The following COA8 variants were observed in gnomAD, a reference collection of about 807,000 sequenced individuals.
The protein encoded by COA8 is UPF0671 protein C14orf153.
In COA8, 20 loss-of-function variants were observed where a neutral mutation model predicts 22.0. The observed-to-expected ratio is 0.91, with a 90% CI of 0.64 to 1.32. COA8 has a LOEUF of 1.32. Among genes scored for constraint, COA8 ranks in the 40% most tolerant of loss-of-function variants. COA8 has a pLI of 0.00. For synonymous variants in COA8, 105 were observed against 79.9 expected, an observed-to-expected ratio of 1.31 and a Z score of -1.68; for missense variants, 266 against 230.0, an observed-to-expected ratio of 1.16 and a Z score of -1.01.
intron 3 of COA8, among the ~76,000 whole-genome samples, chr14:103,576,613 C>A (rs2076232394): frequency 6.6e-6 from 1 of 152,178 alleles, no homozygotes; most frequent in South Asian, 2.1e-4. Context: ...AGGACCAGAG[C>A]AATTTCTTCC....
intron 3 of COA8, among the ~76,000 whole-genome samples, chr14:103,585,327 A>C (rs1187534399): frequency 6.7e-6 from 1 of 150,120 alleles, no homozygotes; most frequent in East Asian, 2.0e-4. Context: ...AAACTACAAA[A>C]AATTAGCTGG....
chr14:103,563,700 G>C (rs1183409939), intron 1 of COA8, among the ~76,000 whole-genome samples: 1 of 152,188 alleles, frequency 6.6e-6, no homozygotes, highest in East Asian at 1.9e-4. Flanking sequence ...TTGTTTAAGG[G>C]AGGCCTAGGC....
rs1402346035 is a variant in COA8 at position 103,574,093 on chromosome 14, T to TTC, written c.322-13_322-12insCT. On this transcript the variant is annotated splice_polypyrimidine_tract_variant and intron_variant, in intron 2 of 4. Transcript: ENST00000409074. Reference sequence around the variant, plus strand: ...TTCTGAGAGCCTTTTTTTTTTTTTTTTTTTTTTTTTAAGGAAAAAGAAGAA... The same window carrying TTC: ...TTCTGAGAGCCTTTTTTTTTTTTTTTTCTTTTTTTTTTAAGGAAAAAGAAGAA... 5 of 1,506,532 alleles carry TTC rather than the reference T, an allele frequency of 3.3e-6. No individual in the cohort carries two copies. Among genetic ancestry groups the TTC allele is most frequent in the Non-Finnish European group, 4.4e-6 (5 of 1,133,954 alleles). 93.3% of individuals were successfully genotyped at this position (1,506,532 alleles called of 1,614,324 possible).
At position 103,574,103 on chromosome 14, in the gene COA8, T is replaced by A. The variant is rs891216333; in HGVS notation, c.322-4T>A. On this transcript the variant is annotated splice_region_variant and splice_polypyrimidine_tract_variant and intron_variant, in intron 2 of 4. Transcript: ENST00000409074. ...CTTTTTTTTTTTTTTTTTTTTTTTT[T>A]AAGGAAAAAGAAGAATTTATTCACT... The A allele has an allele frequency of 1.9e-5, 28 of 1,484,080 alleles. No individual in the cohort carries two copies. The South Asian group carries it at 2.3e-4, about 12-fold the overall frequency. 91.9% of individuals were successfully genotyped at this position (1,484,080 alleles called of 1,614,324 possible).
intron 1 of COA8, among the ~76,000 whole-genome samples, chr14:103,566,606 G>A (rs944673121): frequency 6.6e-6 from 1 of 152,260 alleles, no homozygotes; most frequent in African/African-American, 2.4e-5. Flanking sequence ...AGAAATGAAT[G>A]TGTGTGCCTC....
In COA8 at chr14:103,566,601, T is replaced by C. The variant is rs10130018; in HGVS notation, c.123+3477T>C. Among the ~76,000 whole-genome samples, 792 of 152,298 alleles carry C rather than the reference T, an allele frequency of 5.2e-3. 5 individuals are homozygous for C. Among genetic ancestry groups the C allele is most frequent in the African/African-American group, 0.018 (760 of 41,560 alleles). On this transcript the variant is annotated intron_variant, in intron 1 of 4. Transcript: ENST00000409074. ...TCATGAGGTGCCAGAGATACAGAAA[T>C]GAATGTGTGTGCCTCTTTTCACACA... is the stretch of plus-strand genomic sequence containing the variant.
intron 1 of COA8, among the ~76,000 whole-genome samples, chr14:103,565,030 T>C (rs1001377539): frequency 8.5e-5 from 13 of 152,218 alleles, no homozygotes; most frequent in African/African-American, 3.1e-4. Context: ...CTCGGCTCAC[T>C]GCAACCTTTG....
chr14:103,571,523 C>T (rs1006312232), intron 1 of COA8, 100 bp from the exon 2 acceptor site: 16 of 1,221,026 alleles, frequency 1.3e-5, no homozygotes, highest in Middle Eastern at 2.1e-4. Flanking sequence ...GGCAACAGAG[C>T]GAGACTCCGT....
In COA8 at chr14:103,587,350, C is replaced by G. The variant is rs2076315630; in HGVS notation, c.462C>G (p.His154Gln). The change falls in exon 4 of 5, where the codon CAC becomes CAG. Residue 154 changes from histidine (H) to glutamine (Q), a missense_variant. Physicochemically the swap from His to Gln is conservative, Grantham distance 24. Transcript: ENST00000409074. ...TTTTAAGTAAAAATTTTCAGAAGCA[C>G]ATGTATTATAACAGGTAGGTGTTTA... ...KEFLSKNFQKHMYYNRDWYKR... is the reference protein window; with the variant it reads ...KEFLSKNFQKQMYYNRDWYKR... 6.2e-7 allele frequency: 1 copy of G among 1,612,242 alleles called. No homozygotes were observed. The highest frequency in any genetic ancestry group is 8.5e-7 in the Non-Finnish European group (1 of 1,178,788).
rs1427792889 is a variant in COA8, at chr14:103,575,665, G to A, written c.385+1495G>A. On this transcript the variant is annotated intron_variant, in intron 3 of 4. Coordinates refer to ENST00000409074, the MANE Select transcript of COA8 (RefSeq NM_001370595.2). Reference sequence around the variant, plus strand: ...GATTCGTTCTCTCTGCAATACAAATGTATTCCAGTGGGTCAAAATGTTAAT... The same window carrying A: ...GATTCGTTCTCTCTGCAATACAAATATATTCCAGTGGGTCAAAATGTTAAT... 2.6e-5 allele frequency among the ~76,000 whole-genome samples: 4 copies of A among 152,134 alleles called. No individual in the cohort carries two copies. The East Asian group carries it at 7.7e-4, about 29-fold the overall frequency.
chr14:103,579,122 A>G (rs566316779), intron 3 of COA8, among the ~76,000 whole-genome samples: 6 of 152,132 alleles, frequency 3.9e-5, no homozygotes, highest in African/African-American at 1.4e-4. Context: ...AGCGCCCTAT[A>G]TGTGTATTAA....
chr14:103,576,134 C>T (rs1393438274), intron 3 of COA8, among the ~76,000 whole-genome samples: 2 of 152,104 alleles, frequency 1.3e-5, no homozygotes, highest in African/African-American at 2.4e-5. Flanking sequence ...GGTGAAACCC[C>T]GTCTCTACTA....
chr14:103,568,594 T>C (rs959571273), intron 1 of COA8, among the ~76,000 whole-genome samples: 1 of 138,978 alleles, frequency 7.2e-6, no homozygotes, highest in Non-Finnish European at 1.5e-5. Context: ...TATATATATA[T>C]GTATACGTAT....
At chr14:103,573,551 G>A (rs561276882) in intron 2 of COA8, among the ~76,000 whole-genome samples, 1 of 151,188 alleles carries the variant, frequency 6.6e-6, no homozygotes, top group Non-Finnish European at 1.5e-5. Flanking sequence ...GGTTTTTTTT[G>A]TTGTTGTTGT....
chr14:103,582,321 G>C (rs1435984218), intron 3 of COA8, among the ~76,000 whole-genome samples: 1 of 152,094 alleles, frequency 6.6e-6, no homozygotes, highest in Non-Finnish European at 1.5e-5. Context: ...CTACTTCAGG[G>C]CAGCCCTGCC....
chr14:103,584,626 T>G (rs558331249), intron 3 of COA8, among the ~76,000 whole-genome samples: 1 of 152,340 alleles, frequency 6.6e-6, no homozygotes, highest in South Asian at 2.1e-4. Context: ...TGACCTATTT[T>G]TTTATTTCCA....
intron 4 of COA8, among the ~76,000 whole-genome samples, chr14:103,589,443 C>T (rs2076334172): frequency 6.6e-6 from 1 of 152,114 alleles, no homozygotes; most frequent in Non-Finnish European, 1.5e-5. Context: ...GCCAGCTCGG[C>T]AGGCCTGGGG....
chr14:103,577,007 C>G (rs2076234729), intron 3 of COA8, among the ~76,000 whole-genome samples: 1 of 152,238 alleles, frequency 6.6e-6, no homozygotes, highest in Non-Finnish European at 1.5e-5. Flanking sequence ...AAATAACACA[C>G]ATTTATAGAC....
At chr14:103,574,039 A>G in intron 2 of COA8, 68 bp from the exon 3 acceptor site, 1 of 1,502,628 alleles carries the variant, frequency 6.7e-7, no homozygotes, top group Non-Finnish European at 8.8e-7. Flanking sequence ...TGCTCTAGCC[A>G]AAGAAAAATG....
Sources: allele counts gnomAD v4.1 joint callset (sites outside exome capture counted in the v4.1 genomes callset), GRCh38; gene constraint gnomAD v4.1.1; transcripts MANE v1.5; gene names NCBI Gene and HGNC (gene_info 2026-07-23, HGNC 2026-07-21).